PAK5: variants seen among roughly 807,000 people sequenced by gnomAD.
PAK5 encodes the protein serine/threonine-protein kinase PAK 5.
Under a neutral mutation model 65.9 loss-of-function variants are expected in PAK5, and 16 were observed. The observed-to-expected ratio is 0.24, with a 90% CI of 0.16 to 0.37. The LOEUF is 0.37. PAK5 is among the 10% of genes least tolerant of loss of function. The pLI, the probability that PAK5 is intolerant of heterozygous loss-of-function variation, is 1.00. For missense variants in PAK5, 785 were observed against 903.9 expected, an observed-to-expected ratio of 0.87 and a Z score of 1.69; for synonymous variants, 371 against 354.9, an observed-to-expected ratio of 1.05 and a Z score of -0.51.
intron 2 of PAK5, among the ~76,000 whole-genome samples, chr20:9,692,599 G>A (rs6086986): frequency 0.11 from 16,742 of 152,116 alleles, 1,181 homozygotes; most frequent in Non-Finnish European, 0.15. Flanking sequence ...CATTTAATTA[G>A]TTTAGAGGGG....
At chr20:9,625,795 T>C (rs1286321810) in intron 3 of PAK5, among the ~76,000 whole-genome samples, 2 of 152,236 alleles carry the variant, frequency 1.3e-5, no homozygotes, top group Admixed American at 6.5e-5. Context: ...TGCTGACAAT[T>C]TATAGGCTTG....
intron 3 of PAK5, among the ~76,000 whole-genome samples, chr20:9,599,677 C>G (rs1218376245): frequency 6.6e-6 from 1 of 151,884 alleles, no homozygotes; most frequent in East Asian, 1.9e-4. Context: ...CTAGCTATGT[C>G]TTTTGCTTGT....
intron 1 of PAK5, among the ~76,000 whole-genome samples, chr20:9,786,088 G>A (rs2048989878): frequency 6.6e-6 from 1 of 152,042 alleles, no homozygotes; most frequent in African/African-American, 2.4e-5. Context: ...CTGCTTCCGG[G>A]AATCACAGCC....
rs781425219 is a variant in PAK5, at chr20:9,539,536, C to T, written c.2086G>A (p.Gly696Arg). 22 of 1,613,610 alleles carry T rather than the reference C, an allele frequency of 1.4e-5. No individual in the cohort carries two copies. The highest frequency in any genetic ancestry group is 2.7e-5 in the African/African-American group (2 of 74,868). The change falls in exon 10 of 10, where the codon GGA (glycine) becomes AGA (arginine). Residue 696 changes from glycine (G) to arginine (R), a missense_variant. Gly to Arg is a moderately radical substitution (Grantham distance 125). Transcript: ENST00000353224. Reference protein sequence around the residue: ...SQRATAQELLGHPFLKLAGPP... With the variant: ...SQRATAQELLRHPFLKLAGPP... ...CCTGCTAGTTTTAAGAATGGATGTC[C>T]GAGGAGTTCCTGGGCTGTTGCTCTC...
chr20:9,799,040 G>T (rs1046386765), intron 1 of PAK5, among the ~76,000 whole-genome samples: 1 of 152,102 alleles, frequency 6.6e-6, no homozygotes, highest in Non-Finnish European at 1.5e-5. Context: ...AAAAGTATTT[G>T]CAAGACCATG....
At chr20:9,794,777 A>G (rs2049087507) in intron 1 of PAK5, among the ~76,000 whole-genome samples, 1 of 152,080 alleles carries the variant, frequency 6.6e-6, no homozygotes, top group South Asian at 2.1e-4. Context: ...TCTTTTTTTT[A>G]AGGCAACAGT....
At position 9,750,415 on chromosome 20, in the gene PAK5, A is replaced by G. The variant is rs143591862; in HGVS notation, c.-161-38980T>C. Among the ~76,000 whole-genome samples, 561 of 152,206 alleles carry G rather than the reference A, an allele frequency of 3.7e-3. 11 individuals carry two copies. Among genetic ancestry groups the G allele is most frequent in the Admixed American group, 0.031 (474 of 15,278 alleles). The stretch of plus-strand genomic sequence containing the variant: ...AGAATTGGAAAGCCAATGCAACAAA[A>G]CTTTTAAATCCTTCTAAATAAATCC... On this transcript the variant is annotated intron_variant, in intron 1 of 9. Coordinates refer to ENST00000353224, the MANE Select transcript of PAK5 (RefSeq NM_177990.4).
intron 2 of PAK5, among the ~76,000 whole-genome samples, chr20:9,696,889 T>C (rs1447437141): frequency 1.3e-5 from 2 of 152,074 alleles, no homozygotes; most frequent in Non-Finnish European, 1.5e-5. Context: ...AAACTTCTCA[T>C]TGCAGTATCC....
chr20:9,550,850 T>C (rs2122923638), intron 7 of PAK5, among the ~76,000 whole-genome samples: 1 of 152,132 alleles, frequency 6.6e-6, no homozygotes, highest in Non-Finnish European at 1.5e-5. Context: ...TGTTTGCCTA[T>C]AAATTTAAGA....
intron 2 of PAK5, among the ~76,000 whole-genome samples, chr20:9,665,085 G>GTTTTTTTTCTTTTTTTTTTTTT (rs1555910640): frequency 1.0e-5 from 1 of 98,916 alleles, no homozygotes. Flanking sequence ...AAATTTTTCT[G>GTTTTTTTTCTTTTTTTTTTTTT]TTTTTTTTTT....
intron 3 of PAK5, among the ~76,000 whole-genome samples, chr20:9,640,075 C>T (rs1366061345): frequency 6.6e-6 from 1 of 151,970 alleles, no homozygotes; most frequent in Non-Finnish European, 1.5e-5. Flanking sequence ...TTTTATTATA[C>T]TTTAAGTTTT....
chr20:9,826,752 C>A (rs982530650), intron 1 of PAK5, among the ~76,000 whole-genome samples: 1 of 152,022 alleles, frequency 6.6e-6, no homozygotes, highest in Non-Finnish European at 1.5e-5. Context: ...ACATTGGTGC[C>A]GAAGACTTGG....
chr20:9,639,594 A>C (rs1022629761), intron 3 of PAK5, among the ~76,000 whole-genome samples: 2 of 152,230 alleles, frequency 1.3e-5, no homozygotes, highest in Non-Finnish European at 2.9e-5. Flanking sequence ...AACCTGCTCT[A>C]TACTTGAGAT....
intron 1 of PAK5, among the ~76,000 whole-genome samples, chr20:9,787,311 A>G (rs1270672886): frequency 2.0e-5 from 3 of 152,134 alleles, no homozygotes; most frequent in East Asian, 3.9e-4. Flanking sequence ...TACCCTTACT[A>G]TCCTCAGAAG....
chr20:9,782,664 G>A (rs916299980), intron 1 of PAK5, among the ~76,000 whole-genome samples: 10 of 152,048 alleles, frequency 6.6e-5, no homozygotes, highest in Admixed American at 2.6e-4. Flanking sequence ...CATTAAACTC[G>A]TCTTTTCTGG....
chr20:9,565,817 G>A (rs1308828162), intron 5 of PAK5, 76 bp downstream of exon 5: 14 of 1,389,206 alleles, frequency 1.0e-5, no homozygotes, highest in Non-Finnish European at 1.4e-5. Context: ...GTCCTAAAAT[G>A]TACATGTGTA....
intron 1 of PAK5, among the ~76,000 whole-genome samples, chr20:9,782,217 T>C (rs1439043808): frequency 6.6e-6 from 1 of 152,028 alleles, no homozygotes; most frequent in East Asian, 1.9e-4. Flanking sequence ...TATCTACATG[T>C]TCCCTCCCTC....
chr20:9,677,682 A>G (rs6077584), intron 2 of PAK5, among the ~76,000 whole-genome samples: 35,572 of 152,098 alleles, frequency 0.23, 4,471 homozygotes, highest in African/African-American at 0.31. Flanking sequence ...TGTTAACTTT[A>G]TCTTTTTTAA....
intron 4 of PAK5, among the ~76,000 whole-genome samples, chr20:9,574,461 C>T (rs148229229): frequency 7.9e-5 from 12 of 152,304 alleles, no homozygotes; most frequent in South Asian, 2.1e-4. Context: ...ACCTGCGATC[C>T]GTCATCGCCT....
Sources: gnomAD v4.1 joint callset for allele counts (sites outside exome capture counted in the v4.1 genomes callset) on GRCh38, gnomAD v4.1.1 for gene constraint, MANE v1.5 for transcripts, NCBI Gene and HGNC (gene_info 2026-07-23, HGNC 2026-07-21) for gene names.